COP1: variants seen among roughly 807,000 people sequenced by gnomAD.
COP1 encodes E3 ubiquitin-protein ligase COP1.
In COP1, 24 loss-of-function variants were observed where a neutral mutation model predicts 101.3. The ratio of observed to expected loss-of-function variants is 0.24; its 90% CI spans 0.17 to 0.33. COP1 has a LOEUF of 0.33. COP1 is among the 10% of genes least tolerant of loss of function. COP1 has a pLI of 1.00. For missense variants in COP1, 663 were observed against 906.2 expected (o/e 0.73, Z 3.45); for synonymous variants, 347 against 341.9 (o/e 1.01, Z -0.17).
At chr1:175,997,407 T>C (rs1660445490) in intron 15 of COP1, among the ~76,000 whole-genome samples, 1 of 151,788 alleles carries the variant, frequency 6.6e-6, no homozygotes, top group African/African-American at 2.4e-5. Context: ...TGGGATCTAA[T>C]TAAACTAAAG....
intron 15 of COP1, among the ~76,000 whole-genome samples, chr1:176,004,788 A>G (rs1571588683): frequency 6.6e-6 from 1 of 150,986 alleles, no homozygotes; most frequent in East Asian, 2.0e-4. Flanking sequence ...ATCAATGTTC[A>G]TCAAGGATAT....
intron 18 of COP1, among the ~76,000 whole-genome samples, chr1:175,968,057 A>G (rs1486306207): frequency 2.0e-5 from 3 of 152,076 alleles, no homozygotes; most frequent in African/African-American, 7.2e-5. Flanking sequence ...CAGTAGAGAC[A>G]GGATTTCACT....
At chr1:176,136,453 AT>A (rs1689809063) in intron 7 of COP1, 34 bp downstream of exon 7, 1 of 1,432,868 alleles carries the variant, frequency 7.0e-7, no homozygotes, top group Non-Finnish European at 9.7e-7. Flanking sequence ...AAATTGAAAA[AT>A]TGCTAAGGAT....
chr1:176,090,712 T>C (rs888686488), intron 9 of COP1, among the ~76,000 whole-genome samples: 2 of 152,094 alleles, frequency 1.3e-5, no homozygotes, highest in Non-Finnish European at 2.9e-5. Context: ...GCCTAGAATG[T>C]AGGATAAAAG....
intron 1 of COP1, among the ~76,000 whole-genome samples, chr1:176,205,923 G>C (rs1227767779): frequency 6.6e-6 from 1 of 152,212 alleles, no homozygotes; most frequent in Non-Finnish European, 1.5e-5. Flanking sequence ...TGGTGGAGAA[G>C]TGAAAAATCT....
chr1:176,028,382 T>C (rs1668049043), intron 14 of COP1, among the ~76,000 whole-genome samples: 1 of 151,726 alleles, frequency 6.6e-6, no homozygotes, highest in East Asian at 2.0e-4. Context: ...GTGGGCAACA[T>C]GGTGAAACCC....
intron 11 of COP1, among the ~76,000 whole-genome samples, chr1:176,052,763 A>G (rs562687069): frequency 6.6e-6 from 1 of 152,226 alleles, no homozygotes; most frequent in Non-Finnish European, 1.5e-5. Flanking sequence ...TCCTATGCAT[A>G]AACACGCATA....
intron 3 of COP1, among the ~76,000 whole-genome samples, chr1:176,171,793 A>C (rs901777611): frequency 7.2e-5 from 11 of 152,220 alleles, no homozygotes; most frequent in Non-Finnish European, 1.5e-4. Flanking sequence ...ATTAGTCAGA[A>C]TTTCAAGCAC....
chr1:175,987,900 C>T (rs1179782598), intron 17 of COP1, among the ~76,000 whole-genome samples: 1 of 152,106 alleles, frequency 6.6e-6, no homozygotes, highest in East Asian at 1.9e-4. Flanking sequence ...ATGAAGAGAA[C>T]AGCAGATAGG....
Position 176,184,630 on chromosome 1 carries a change from T to C in COP1, c.467+3A>G. 6.3e-7 allele frequency: 1 copy of C among 1,598,680 alleles called. No individual in the cohort carries two copies. Among genetic ancestry groups the C allele is most frequent in the Non-Finnish European group, 8.6e-7 (1 of 1,169,548 alleles). On this transcript the variant is annotated splice_donor_region_variant and intron_variant, in intron 2 of 19. Coordinates refer to ENST00000367669, the MANE Select transcript of COP1 (RefSeq NM_022457.7). ...ATTATTTTACTCAATAGAATTGTCTTACCAAAAGCTGTGGCCACATTTTGT... is the reference window on the plus strand; with the variant it reads ...ATTATTTTACTCAATAGAATTGTCTCACCAAAAGCTGTGGCCACATTTTGT...
intron 15 of COP1, among the ~76,000 whole-genome samples, chr1:176,007,321 T>C (rs562856585): frequency 1.1e-4 from 17 of 152,318 alleles, no homozygotes; most frequent in African/African-American, 3.6e-4. Flanking sequence ...AATTTGATCG[T>C]CTGAAGCCTT....
At chr1:175,992,986 G>A (rs577737746) in intron 15 of COP1, among the ~76,000 whole-genome samples, 2 of 152,270 alleles carry the variant, frequency 1.3e-5, no homozygotes, top group Admixed American at 1.3e-4. Context: ...TAACTAGGAG[G>A]CACCACCCAG....
At chr1:176,009,080 T>C (rs983369302) in intron 15 of COP1, among the ~76,000 whole-genome samples, 16 of 152,166 alleles carry the variant, frequency 1.1e-4, no homozygotes, top group African/African-American at 2.9e-4. Context: ...ACCTGGCACA[T>C]GTGCATAGCA....
intron 18 of COP1, among the ~76,000 whole-genome samples, chr1:175,964,805 A>G (rs1651796470): frequency 6.6e-6 from 1 of 152,236 alleles, no homozygotes; most frequent in South Asian, 2.1e-4. Context: ...TTAAGTAAAT[A>G]TAAAGAATAA....
At chr1:175,963,948 TAC>T (rs747715922) in intron 18 of COP1, among the ~76,000 whole-genome samples, 17 of 152,224 alleles carry the variant, frequency 1.1e-4, no homozygotes, top group Non-Finnish European at 2.1e-4. Context: ...TAAAAACAAG[TAC>T]AGTTGTCCAG....
At chr1:176,098,595 T>C (rs1682841614) in intron 9 of COP1, among the ~76,000 whole-genome samples, 1 of 152,378 alleles carries the variant, frequency 6.6e-6, no homozygotes, top group Non-Finnish European at 1.5e-5. Flanking sequence ...TATATGGTTT[T>C]TCTGTAAACT....
At chr1:176,019,053 C>A (rs1557934529) in intron 15 of COP1, among the ~76,000 whole-genome samples, 1 of 152,076 alleles carries the variant, frequency 6.6e-6, no homozygotes. Flanking sequence ...GTGGTCCCAG[C>A]TACTTGGAAG....
chr1:176,088,825 G>A (rs1480299793), intron 9 of COP1, among the ~76,000 whole-genome samples: 1 of 151,688 alleles, frequency 6.6e-6, no homozygotes, highest in African/African-American at 2.4e-5. Flanking sequence ...GAGAAACCCC[G>A]TCTGTACTAA....
rs554817382 is a variant in COP1 at position 176,050,038 on chromosome 1, G to C, written c.1278-3714C>G. Among the ~76,000 whole-genome samples the C allele has an allele frequency of 3.4e-4, 52 of 152,216 alleles. 1 individual carries two copies. In the East Asian group the frequency reaches 3.7e-3, roughly 11 times the overall value. On this transcript the variant is annotated intron_variant, in intron 11 of 19. Transcript: ENST00000367669. ...CTGTCAGCAGTAATAATTAAAACAA[G>C]AGATTTATAAAAATTTACTGCATGA... is the stretch of plus-strand genomic sequence containing the variant.
Sources: allele counts gnomAD v4.1 joint callset (sites outside exome capture counted in the v4.1 genomes callset), GRCh38; gene constraint gnomAD v4.1.1; transcripts MANE v1.5; gene names NCBI Gene and HGNC (gene_info 2026-07-23, HGNC 2026-07-21).